MTPAP: variants seen among roughly 807,000 people sequenced by gnomAD.
The protein encoded by MTPAP is poly(A) RNA polymerase, mitochondrial.
A neutral mutation model predicts 48.7 loss-of-function variants in MTPAP; 23 were observed. That is an observed-to-expected ratio of 0.47 (90% CI 0.34 to 0.67). The LOEUF (loss-of-function observed/expected upper bound fraction) is 0.67. Among genes scored for constraint, MTPAP ranks in the 30% least tolerant of loss-of-function variants. MTPAP has a pLI of 0.01. For missense variants in MTPAP, 614 were observed against 694.3 expected (o/e 0.88, Z 1.30); for synonymous variants, 257 against 254.1 (o/e 1.01, Z -0.11).
intron 1 of MTPAP, among the ~76,000 whole-genome samples, chr10:30,347,128 A>C (rs1157421761): frequency 1.3e-5 from 2 of 152,208 alleles, no homozygotes; most frequent in Admixed American, 1.3e-4. Flanking sequence ...AATCCCGAAT[A>C]ATACACCATG....
rs573781481 is a variant in MTPAP, at chr10:30,341,762, T to G, written c.158-122A>C. ...CCAACTTCACCTAATCTATTTTTTC[T>G]CTTCCTTTATAAGGGTTAAACTATA... is the stretch of plus-strand genomic sequence containing the variant. On this transcript the variant is annotated intron_variant, in intron 1 of 8. Transcript: ENST00000263063. The G allele has an allele frequency of 1.3e-5, 13 of 1,035,166 alleles. No homozygotes were observed. In the African/African-American group the frequency reaches 2.1e-4, roughly 16 times the overall value. The allele number at this position is 1,035,166 out of a possible 1,614,324, so 64.1% of individuals were successfully genotyped here.
chr10:30,341,903 G>T (rs1264240358), intron 1 of MTPAP, among the ~76,000 whole-genome samples: 1 of 152,062 alleles, frequency 6.6e-6, no homozygotes, highest in East Asian at 1.9e-4. Context: ...CACATACATT[G>T]CTATGATAAG....
At chr10:30,334,264 C>A (rs889376541) in intron 4 of MTPAP, among the ~76,000 whole-genome samples, 3 of 152,052 alleles carry the variant, frequency 2.0e-5, no homozygotes, top group Non-Finnish European at 4.4e-5. Flanking sequence ...AGGAATGAGT[C>A]GAGGAATGGA....
At chr10:30,317,637 T>C (rs1564518281) in intron 6 of MTPAP, among the ~76,000 whole-genome samples, 1 of 152,342 alleles carries the variant, frequency 6.6e-6, no homozygotes, top group South Asian at 2.1e-4. Flanking sequence ...AAGCATTTCA[T>C]AATTCCAAAC....
chr10:30,315,845 C>G (rs1840655242), intron 8 of MTPAP, 118 bp downstream of exon 8: 3 of 1,173,434 alleles, frequency 2.6e-6, no homozygotes, highest in African/African-American at 3.1e-5. Context: ...CTTGTTACTA[C>G]AAATTACTAC....
chr10:30,334,759 C>G (rs1834709071), intron 4 of MTPAP, among the ~76,000 whole-genome samples: 1 of 152,092 alleles, frequency 6.6e-6, no homozygotes, highest in African/African-American at 2.4e-5. Flanking sequence ...CAGAGGATTT[C>G]AATACTATGC....
At chr10:30,327,497 T>G (rs1834611520) in intron 4 of MTPAP, among the ~76,000 whole-genome samples, 1 of 111,232 alleles carries the variant, frequency 9.0e-6, no homozygotes, top group Non-Finnish European at 1.8e-5. Context: ...AGACTCCATT[T>G]CAAAATAAAT....
intron 1 of MTPAP, among the ~76,000 whole-genome samples, chr10:30,343,184 C>G (rs1345733582): frequency 6.6e-6 from 1 of 152,108 alleles, no homozygotes; most frequent in Non-Finnish European, 1.5e-5. Context: ...CGCGGTGGCT[C>G]ACACCTGTAA....
rs58651603 is a variant in MTPAP, at chr10:30,348,991, G to A, written c.157+128C>T. ...CCTACAGAGATCAGAGGAGAGGAGA[G>A]GACAGGACACAGCCCCACCCTCTTG... On this transcript the variant is annotated intron_variant, in intron 1 of 8. Coordinates refer to ENST00000263063, the MANE Select transcript of MTPAP (RefSeq NM_018109.4). 3,726 of 1,386,314 alleles carry A rather than the reference G, an allele frequency of 2.7e-3. 73 individuals are homozygous for A. The African/African-American group carries it at 0.043, about 16-fold the overall frequency. The allele number at this position is 1,386,314 out of a possible 1,614,324, so 85.9% of individuals were successfully genotyped here. A position where few individuals can be genotyped will look rare whatever the true frequency, so the allele number is the denominator to read the frequency against.
At chr10:30,328,242 C>G (rs932245422) in intron 4 of MTPAP, among the ~76,000 whole-genome samples, 1 of 152,060 alleles carries the variant, frequency 6.6e-6, no homozygotes, top group East Asian at 1.9e-4. Flanking sequence ...AGAAACTAAA[C>G]AGAAATTAAA....
At chr10:30,319,272 T>G (rs1840695431) in intron 6 of MTPAP, among the ~76,000 whole-genome samples, 1 of 152,210 alleles carries the variant, frequency 6.6e-6, no homozygotes, top group African/African-American at 2.4e-5. Context: ...TAGCTTAGCT[T>G]AGGTTCTAAA....
chr10:30,313,873 C>T lies in MTPAP; in HGVS notation c.1485G>A (p.Leu495=), dbSNP rs142672993. 388 of 1,614,188 alleles carry T rather than the reference C, an allele frequency of 2.4e-4. 1 individual carries two copies. The African/African-American group carries it at 4.6e-3, about 19-fold the overall frequency. The change falls in exon 9 of 9, where the codon CTG becomes CTA. Residue 495 remains leucine (L), a synonymous_variant. Coordinates refer to ENST00000263063, the MANE Select transcript of MTPAP (RefSeq NM_018109.4). The stretch of plus-strand genomic sequence containing the variant: ...CTCGGGCCAAATCTACAAATTTTTG[C>T]AGCTGGCTTTGACTTACATTTTTGC... ...NISKNVSQSQ[L]QKFVDLARES...
At chr10:30,336,017 A>T (rs1277699702) in intron 4 of MTPAP, among the ~76,000 whole-genome samples, 2 of 152,180 alleles carry the variant, frequency 1.3e-5, no homozygotes, top group Non-Finnish European at 2.9e-5. Flanking sequence ...CTCAAAAAAA[A>T]TAAATAAATA....
chr10:30,316,885 A>G (rs904927505), intron 6 of MTPAP, among the ~76,000 whole-genome samples: 9 of 110,630 alleles, frequency 8.1e-5, no homozygotes, highest in African/African-American at 3.7e-4. Flanking sequence ...ACTCCATCTC[A>G]AAAAACAAAA....
At chr10:30,341,100 C>A (rs1834799752) in intron 2 of MTPAP, among the ~76,000 whole-genome samples, 1 of 151,920 alleles carries the variant, frequency 6.6e-6, no homozygotes, top group Non-Finnish European at 1.5e-5. Flanking sequence ...GGACTGTAGT[C>A]CCAGCTACTC....
In MTPAP at chr10:30,326,525, AGG is replaced by A; in HGVS notation, c.889_890del (p.Pro297TrpfsTer28). On this transcript the variant is annotated frameshift_variant, in exon 5 of 9. Transcript: ENST00000263063. LOFTEE classifies it high-confidence loss of function. ...ATATTTTTTGCACACCCACACAGCC[AGG>A]GCCAAAGTGGTCAAGGCACTCTCCT... ...VLGECLDHFG[P>X]GCVGVQKILN... The A allele has an allele frequency of 6.2e-7, 1 of 1,614,204 alleles. No homozygotes were observed. Among genetic ancestry groups the A allele is most frequent in the Non-Finnish European group, 8.5e-7 (1 of 1,180,020 alleles).
At chr10:30,348,053 T>C (rs1341488337) in intron 1 of MTPAP, among the ~76,000 whole-genome samples, 1 of 152,218 alleles carries the variant, frequency 6.6e-6, no homozygotes, top group African/African-American at 2.4e-5. Flanking sequence ...TTGTTTCATA[T>C]ATCAAAGAGC....
chr10:30,340,592 G>T, intron 2 of MTPAP, 142 bp from the exon 3 acceptor site: 2 of 746,736 alleles, frequency 2.7e-6, no homozygotes, highest in Non-Finnish European at 4.6e-6. Context: ...TTCTAACATA[G>T]CATTAATTTT....
intron 1 of MTPAP, 112 bp from the exon 2 acceptor site, chr10:30,341,752 C>CTATTTT (rs1174004313): frequency 1.8e-6 from 2 of 1,091,324 alleles, no homozygotes; most frequent in Non-Finnish European, 2.8e-6. Flanking sequence ...TTCACCTAAT[C>CTATTTT]TATTTTTTCT....
Sources: gnomAD v4.1 joint callset for allele counts (sites outside exome capture counted in the v4.1 genomes callset) on GRCh38, gnomAD v4.1.1 for gene constraint, MANE v1.5 for transcripts, NCBI Gene and HGNC (gene_info 2026-07-23, HGNC 2026-07-21) for gene names.